Variants in CDK10 observed in about 807,000 individuals in gnomAD.
CDK10 encodes the protein cyclin dependent kinase 10.
CDK10 carries 55 observed loss-of-function variants against 51.0 expected under a neutral mutation model. The observed-to-expected ratio is 1.08, with a 90% CI of 0.87 to 1.35. The LOEUF is 1.35. Ranked by LOEUF, CDK10 falls within the 40% of genes most tolerant of loss-of-function variation. The probability of loss-of-function intolerance (pLI) is 0.00; values close to 1 mark genes in which losing one functional copy is unlikely to be tolerated. For missense variants in CDK10, 589 were observed against 485.1 expected (o/e 1.21, Z -2.01); for synonymous variants, 255 against 199.1 (o/e 1.28, Z -2.36).
At position 89,686,718 on chromosome 16, in the gene CDK10, A is replaced by C; in HGVS notation, c.8A>C (p.Glu3Ala). The change falls in exon 1 of 13, where the codon GAG becomes GCG. Residue 3 changes from glutamate (E) to alanine (A), a missense_variant. By Grantham distance (107) the Glu-to-Ala change is moderately radical. Transcript: ENST00000353379. ...GCGGGGCCAGCGCTCGGCATGGCGG[A>C]GCCAGATCTGGAGTGCGAGCAGATC... MA[E>A]PDLECEQIRL... 5 of 1,602,294 alleles carry C rather than the reference A, an allele frequency of 3.1e-6. No homozygotes were observed. The highest frequency in any genetic ancestry group is 4.3e-6 in the Non-Finnish European group (5 of 1,175,344).
At chr16:89,688,256 A>T (rs962358526) in intron 1 of CDK10, among the ~76,000 whole-genome samples, 1 of 151,634 alleles carries the variant, frequency 6.6e-6, no homozygotes, top group Admixed American at 6.6e-5. Context: ...TAATTTTTTC[A>T]TATTTTTAGT....
Position 89,694,984 on chromosome 16 carries a change from C to T in CDK10, c.846C>T (p.Tyr282=), listed in dbSNP as rs1220943156. 1 of 1,613,490 alleles carries T rather than the reference C, an allele frequency of 6.2e-7. No homozygotes were observed. Among genetic ancestry groups the T allele is most frequent in the Admixed American group, 1.7e-5 (1 of 60,024 alleles). The stretch of plus-strand genomic sequence containing the variant: ...AGTACAGCCTCCGGAAGCAGCCCTA[C>T]AACAACCTGAAGCACAAGTTCCCAT... The part of the protein sequence containing the change: ...VGQYSLRKQP[Y]NNLKHKFPWL... Residue 282 remains tyrosine (Y), a synonymous_variant, in exon 11 of 13, where the codon TAC becomes TAT. Coordinates refer to ENST00000353379, the MANE Select transcript of CDK10 (RefSeq NM_052988.5).
chr16:89,693,439 C>G lies in CDK10; in HGVS notation c.580C>G (p.Pro194Ala). 1 of 1,614,178 alleles carries G rather than the reference C, an allele frequency of 6.2e-7. No individual in the cohort carries two copies. The highest frequency in any genetic ancestry group is 1.3e-5 in the African/African-American group (1 of 75,068). ...CCGGGCCTATGGTGTCCCAGTAAAG[C>G]CAATGACCCCCAAGGTGGTCACTCT... ...LARAYGVPVKPMTPKVVTLWY... is the reference protein window; with the variant it reads ...LARAYGVPVKAMTPKVVTLWY... Residue 194 changes from proline to alanine, a missense_variant, in exon 8 of 13, where the codon CCA (proline) becomes GCA (alanine). Coordinates refer to ENST00000353379, the MANE Select transcript of CDK10 (RefSeq NM_052988.5).
At chr16:89,693,117 G>A (rs1465878096) in intron 6 of CDK10, among the ~76,000 whole-genome samples, 157 bp from the exon 7 acceptor site, 3 of 148,568 alleles carry the variant, frequency 2.0e-5, no homozygotes, top group Non-Finnish European at 4.5e-5. Context: ...CAGCCTGGGC[G>A]ACAGAGTGAG....
Position 89,691,485 on chromosome 16 carries a change from G to A in CDK10, c.275G>A (p.Arg92His), listed in dbSNP as rs373968493. The change falls in exon 4 of 13, where the codon CGC (arginine) becomes CAC (histidine). Residue 92 changes from arginine to histidine, a missense_variant. Coordinates refer to ENST00000353379, the MANE Select transcript of CDK10 (RefSeq NM_052988.5). ...TTGCGGGAGATCACGCTGCTGCTCC[G>A]CCTGCGTCATCCGAACATCGTGGAG... The part of the protein sequence containing the change: ...SSLREITLLL[R>H]LRHPNIVELK... 37 of 1,613,632 alleles carry A rather than the reference G, an allele frequency of 2.3e-5. No individual in the cohort carries two copies. Among genetic ancestry groups the A allele is most frequent in the Admixed American group, 3.3e-5 (2 of 59,958 alleles).
intron 2 of CDK10, chr16:89,689,527 G>A (rs950964902): frequency 2.1e-5 from 12 of 580,338 alleles, no homozygotes; most frequent in Middle Eastern, 4.7e-4. Context: ...GTAAGCATCC[G>A]GTTGCTAATG....
intron 9 of CDK10, 166 bp downstream of exon 9, chr16:89,694,398 A>G (rs1274852950): frequency 1.2e-6 from 1 of 868,486 alleles, no homozygotes; most frequent in Non-Finnish European, 1.8e-6. Flanking sequence ...ACCCAGGAGG[A>G]GGTGTGAGAA....
intron 2 of CDK10, chr16:89,689,652 A>G (rs1236089294): frequency 1.1e-5 from 3 of 276,572 alleles, no homozygotes; most frequent in African/African-American, 2.2e-5. Flanking sequence ...CACCTCAGCA[A>G]CTCTGGAGGA....
chr16:89,686,904 G>T, intron 1 of CDK10, 107 bp downstream of exon 1: 1 of 979,902 alleles, frequency 1.0e-6, no homozygotes, highest in Middle Eastern at 2.5e-4. Context: ...TTCCGGCACG[G>T]GCGGGAACGA....
chr16:89,691,721 A>G (rs2060458609), intron 4 of CDK10, 85 bp from the exon 5 acceptor site: 7 of 1,382,958 alleles, frequency 5.1e-6, no homozygotes, highest in East Asian at 4.6e-5. Context: ...TGTCCTGCCC[A>G]TGTCCCCTCC....
intron 6 of CDK10, 153 bp downstream of exon 6, chr16:89,692,669 G>C (rs966568894): frequency 1.4e-5 from 7 of 509,328 alleles, no homozygotes; most frequent in Non-Finnish European, 2.4e-5. Context: ...AATAGAGAAG[G>C]GGTCTCTCTG....
In CDK10 at chr16:89,686,801, C is replaced by T. The variant is rs199880472; in HGVS notation, c.87+4C>T. ...CACGGTGCCTCCGGAACACAGGGTG[C>T]GCGGGGTGCCACCCGGGCAGCTCTG... On this transcript the variant is annotated splice_donor_region_variant and intron_variant, in intron 1 of 12. Transcript: ENST00000353379. The T allele has an allele frequency of 2.5e-6, 4 of 1,607,516 alleles. No individual in the cohort carries two copies. Among genetic ancestry groups the T allele is most frequent in the African/African-American group, 1.3e-5 (1 of 74,844 alleles).
At chr16:89,686,891 G>T in intron 1 of CDK10, 94 bp downstream of exon 1, 1 of 1,093,628 alleles carries the variant, frequency 9.1e-7, no homozygotes, top group Non-Finnish European at 1.3e-6. Context: ...GCCGCGCCGA[G>T]GCTTCCGGCA....
In CDK10 at chr16:89,695,656, C is replaced by T; in HGVS notation, c.1047C>T (p.Ala349=). ...ACCGCAACAAGCGGGCCGCCCCAGC[C>T]ACCTCCGAGGGCCAGAGCAAGCGCT... ...PHHRNKRAAP[A]TSEGQSKRCK... The change falls in exon 13 of 13, where the codon GCC becomes GCT. Residue 349 remains alanine, a synonymous_variant. Coordinates refer to ENST00000353379, the MANE Select transcript of CDK10 (RefSeq NM_052988.5). 2 of 1,603,884 alleles carry T rather than the reference C, an allele frequency of 1.2e-6. No individual in the cohort carries two copies. The highest frequency in any genetic ancestry group is 1.1e-5 in the South Asian group (1 of 89,562).
At position 89,686,707 on chromosome 16, in the gene CDK10, C is replaced by T. The variant is rs756388650; in HGVS notation, c.-4C>T. On this transcript the variant is annotated 5_prime_UTR_variant, in exon 1 of 13. Coordinates refer to ENST00000353379, the MANE Select transcript of CDK10 (RefSeq NM_052988.5). ...GCGCAAGAGAGGCGGGGCCAGCGCTCGGCATGGCGGAGCCAGATCTGGAGT... is the reference window on the plus strand; with the variant it reads ...GCGCAAGAGAGGCGGGGCCAGCGCTTGGCATGGCGGAGCCAGATCTGGAGT... 3.9e-5 allele frequency: 62 copies of T among 1,587,740 alleles called. No homozygotes were observed. Among genetic ancestry groups the T allele is most frequent in the Non-Finnish European group, 5.2e-5 (61 of 1,168,248 alleles).
Position 89,686,753 on chromosome 16 carries a change from T to G in CDK10, c.43T>G (p.Cys15Gly), listed in dbSNP as rs777545482. ...DLECEQIRLK[C>G]IRKEGFFTVP... is the part of the protein sequence containing the mutation. Reference sequence around the variant, plus strand: ...GGAGTGCGAGCAGATCCGTCTGAAGTGTATTCGTAAGGAGGGCTTCTTCAC... The same window carrying G: ...GGAGTGCGAGCAGATCCGTCTGAAGGGTATTCGTAAGGAGGGCTTCTTCAC... Residue 15 changes from cysteine to glycine, a missense_variant, in exon 1 of 13, where the codon TGT becomes GGT. Physicochemically the swap from Cys to Gly is radical, Grantham distance 159 (BLOSUM62 -3). Coordinates refer to ENST00000353379, the MANE Select transcript of CDK10 (RefSeq NM_052988.5). 2.3e-5 allele frequency: 37 copies of G among 1,612,478 alleles called. No homozygotes were observed. Among genetic ancestry groups the G allele is most frequent in the Non-Finnish European group, 3.1e-5 (36 of 1,179,332 alleles).
intron 12 of CDK10, 94 bp from the exon 13 acceptor site, chr16:89,695,501 G>A (rs2060680270): frequency 1.3e-6 from 2 of 1,505,298 alleles, no homozygotes; most frequent in Non-Finnish European, 1.8e-6. Flanking sequence ...GACAGCCCAG[G>A]GCCAGGTCCA....
At position 89,696,327 on chromosome 16, in the gene CDK10, C is replaced by T. The variant is rs2060718046; in HGVS notation, c.*635C>T. The T allele has an allele frequency of 1.5e-5, 3 of 196,360 alleles. No homozygotes were observed. The highest frequency in any genetic ancestry group is 1.1e-4 in the South Asian group (1 of 8,818). 12.2% of individuals were successfully genotyped at this position (196,360 alleles called of 1,614,324 possible). On this transcript the variant is annotated 3_prime_UTR_variant, in exon 13 of 13. Transcript: ENST00000353379. ...CTGATGCTGAGCGAAGCTATAGGCT[C>T]TTGTTGGATAAAAGCTTTTTTAACA...
chr16:89,694,463 C>T (rs1429666499), intron 9 of CDK10: 1 of 951,944 alleles, frequency 1.1e-6, no homozygotes, highest in Non-Finnish European at 1.6e-6. Context: ...GGCACGCCTG[C>T]CCCTGCACTT....
Sources: allele counts gnomAD v4.1 joint callset (sites outside exome capture counted in the v4.1 genomes callset), GRCh38; gene constraint gnomAD v4.1.1; transcripts MANE v1.5; gene names NCBI Gene and HGNC (gene_info 2026-07-23, HGNC 2026-07-21).